GALNT14: variants seen among roughly 807,000 people sequenced by gnomAD.
GALNT14 encodes the protein polypeptide N-acetylgalactosaminyltransferase 14.
Under a neutral mutation model 77.5 loss-of-function variants are expected in GALNT14, and 60 were observed. That is an observed-to-expected ratio of 0.77 (90% confidence interval 0.63 to 0.96). The LOEUF (loss-of-function observed/expected upper bound fraction) is 0.96, where lower values mean the gene tolerates loss of function less well. GALNT14 is among the 40% of genes least tolerant of loss of function. The pLI is 0.00. For synonymous variants in GALNT14, 280 were observed against 281.7 expected, an observed-to-expected ratio of 0.99 and a Z score of 0.06; for missense variants, 710 against 731.0, an observed-to-expected ratio of 0.97 and a Z score of 0.33.
chr2:31,065,220 C>T (rs1437768856), intron 1 of GALNT14: 2 of 151,954 alleles, frequency 1.3e-5, no homozygotes, highest in Non-Finnish European at 2.9e-5. Context: ...TCTCCAGAGC[C>T]CTGAGGGCAA....
intron 1 of GALNT14, among the ~76,000 whole-genome samples, chr2:31,111,023 T>A (rs932031365): frequency 6.6e-6 from 1 of 152,180 alleles, no homozygotes; most frequent in African/African-American, 2.4e-5. Context: ...ACACACTGTC[T>A]CCTACCCCTA....
chr2:30,970,961 G>C (rs900274004), intron 2 of GALNT14, among the ~76,000 whole-genome samples: 1 of 152,138 alleles, frequency 6.6e-6, no homozygotes, highest in Non-Finnish European at 1.5e-5. Flanking sequence ...ACTGGGGTGA[G>C]GGAAATCCAC....
chr2:31,128,334 C>A (rs916277238), intron 1 of GALNT14, among the ~76,000 whole-genome samples: 1 of 152,022 alleles, frequency 6.6e-6, no homozygotes, highest in Non-Finnish European at 1.5e-5. Context: ...CAGGACACCC[C>A]GGCATTAGAG....
chr2:30,928,555 G>A (rs973505924), intron 11 of GALNT14, among the ~76,000 whole-genome samples: 2 of 152,076 alleles, frequency 1.3e-5, no homozygotes, highest in Admixed American at 6.6e-5. Flanking sequence ...TCAGAGTTGG[G>A]AGGATTAATG....
chr2:31,023,465 T>C (rs1253354666), intron 1 of GALNT14, among the ~76,000 whole-genome samples: 2 of 152,050 alleles, frequency 1.3e-5, no homozygotes, highest in Non-Finnish European at 2.9e-5. Flanking sequence ...ATCTTTAAAA[T>C]ACCCTCCCTC....
intron 10 of GALNT14, among the ~76,000 whole-genome samples, chr2:30,931,172 A>G (rs931182394): frequency 6.6e-6 from 1 of 152,058 alleles, no homozygotes; most frequent in African/African-American, 2.4e-5. Flanking sequence ...GGTGTGGCCA[A>G]TTTTCCCATT....
chr2:31,052,952 G>C (rs1017515411), intron 1 of GALNT14, among the ~76,000 whole-genome samples: 7 of 152,176 alleles, frequency 4.6e-5, no homozygotes, highest in African/African-American at 1.7e-4. Flanking sequence ...GAGGGCTACA[G>C]CATCAGTCCT....
intron 1 of GALNT14, among the ~76,000 whole-genome samples, chr2:31,016,430 C>T (rs1031310747): frequency 3.9e-5 from 6 of 152,078 alleles, no homozygotes; most frequent in Non-Finnish European, 7.4e-5. Context: ...ACAATTCAGG[C>T]GATTACACCT....
chr2:31,037,051 G>C (rs1420861161), intron 1 of GALNT14, among the ~76,000 whole-genome samples: 1 of 152,032 alleles, frequency 6.6e-6, no homozygotes, highest in Non-Finnish European at 1.5e-5. Context: ...GGAGTGTTTG[G>C]CTATTATTTC....
At chr2:30,960,659 G>A (rs1165467351) in intron 3 of GALNT14, among the ~76,000 whole-genome samples, 2 of 152,096 alleles carry the variant, frequency 1.3e-5, no homozygotes, top group Admixed American at 1.3e-4. Flanking sequence ...GGTGGTCAGA[G>A]GAGAAGGTCA....
chr2:31,065,924 G>C (rs1451192292), intron 1 of GALNT14, among the ~76,000 whole-genome samples: 8 of 152,090 alleles, frequency 5.3e-5, no homozygotes, highest in Non-Finnish European at 1.0e-4. Context: ...TTAACCCATG[G>C]GAAGACAGTA....
intron 1 of GALNT14, among the ~76,000 whole-genome samples, chr2:31,026,796 C>A (rs1210289754): frequency 6.6e-6 from 1 of 152,182 alleles, no homozygotes; most frequent in Non-Finnish European, 1.5e-5. Flanking sequence ...TGATGTCCTG[C>A]TCATATACAA....
At chr2:31,062,676 C>G (rs986977125) in intron 1 of GALNT14, among the ~76,000 whole-genome samples, 1 of 152,212 alleles carries the variant, frequency 6.6e-6, no homozygotes, top group African/African-American at 2.4e-5. Context: ...CCACTCCCAT[C>G]AACAGTGTAA....
At chr2:31,087,452 G>A (rs559230504) in intron 1 of GALNT14, among the ~76,000 whole-genome samples, 5 of 146,042 alleles carry the variant, frequency 3.4e-5, no homozygotes, top group Non-Finnish European at 5.9e-5. Context: ...ACTGAGGGGA[G>A]GGCAGGGGAC....
intron 8 of GALNT14, among the ~76,000 whole-genome samples, chr2:30,943,021 C>T (rs933571936): frequency 2.6e-5 from 4 of 152,140 alleles, no homozygotes; most frequent in Admixed American, 6.5e-5. Flanking sequence ...TGTGAAGAGA[C>T]ACAGGGAAGA....
chr2:31,058,156 C>G (rs1674353413), intron 1 of GALNT14, among the ~76,000 whole-genome samples: 1 of 152,222 alleles, frequency 6.6e-6, no homozygotes, highest in African/African-American at 2.4e-5. Context: ...TCCCCTCAGT[C>G]ACACCCACTG....
intron 1 of GALNT14, among the ~76,000 whole-genome samples, chr2:31,137,195 A>T (rs142367100): frequency 6.6e-6 from 1 of 152,244 alleles, no homozygotes; most frequent in Non-Finnish European, 1.5e-5. Flanking sequence ...GAACCTTCGG[A>T]GAGCCATGGG....
chr2:30,984,779 C>T (rs182963862), intron 2 of GALNT14, among the ~76,000 whole-genome samples: 65 of 152,290 alleles, frequency 4.3e-4, no homozygotes, highest in Admixed American at 4.1e-3. Context: ...CTCCCAGCCA[C>T]GTGTAAATTC....
intron 2 of GALNT14, among the ~76,000 whole-genome samples, chr2:30,989,682 A>AATATATATATTAGTATATATTAAAAT (rs1669566312): frequency 8.7e-6 from 1 of 115,312 alleles, no homozygotes; most frequent in Admixed American, 1.1e-4. Flanking sequence ...ATATATAAAA[A>AATATATATATTAGTATATATTAAAAT]ATATATATTA....
Sources: allele counts gnomAD v4.1 joint callset (sites outside exome capture counted in the v4.1 genomes callset), GRCh38; gene constraint gnomAD v4.1.1; transcripts MANE v1.5; gene names NCBI Gene and HGNC (gene_info 2026-07-23, HGNC 2026-07-21).